Variants in RAPGEF3 observed in about 807,000 individuals in gnomAD.
The protein encoded by RAPGEF3 is Rap guanine nucleotide exchange factor 3.
RAPGEF3 carries 103 observed loss-of-function variants against 129.8 expected under a neutral mutation model. The observed-to-expected ratio is 0.79, with a 90% confidence interval of 0.68 to 0.93. The LOEUF is 0.93. Ranked by LOEUF, RAPGEF3 falls within the 40% of genes least tolerant of loss-of-function variation. RAPGEF3 has a pLI of 0.00. For synonymous variants in RAPGEF3, 436 were observed against 482.6 expected (o/e 0.90, Z 1.26); for missense variants, 1,117 against 1,207.4 (o/e 0.93, Z 1.11).
chr12:47,737,348 T>C lies in RAPGEF3; in HGVS notation c.*219A>G. The C allele has an allele frequency of 1.8e-6, 1 of 567,816 alleles. No homozygotes were observed. Among genetic ancestry groups the C allele is most frequent in the South Asian group, 2.0e-5 (1 of 49,406 alleles). The allele number at this position is 567,816 out of a possible 1,614,324, so 35.2% of individuals were successfully genotyped here. A position where few individuals can be genotyped will look rare whatever the true frequency, so the allele number is the denominator to read the frequency against. On this transcript the variant is annotated 3_prime_UTR_variant, in exon 28 of 28. Transcript: ENST00000449771. ...CTCTCTGTCCTCCCTTCCTTGGCCT[T>C]GGGTCATTCGTTATTCCTGGCTCGG...
intron 2 of RAPGEF3, among the ~76,000 whole-genome samples, chr12:47,756,881 A>G (rs546956975): frequency 2.0e-5 from 3 of 152,136 alleles, no homozygotes; most frequent in African/African-American, 7.2e-5. Flanking sequence ...AGGCAGGAGA[A>G]TCACTTGAAC....
intron 15 of RAPGEF3, 141 bp downstream of exon 15, chr12:47,747,403 G>A (rs1434144088): frequency 3.9e-6 from 3 of 766,240 alleles, no homozygotes; most frequent in Middle Eastern, 2.9e-4. Context: ...TGAACAGCAA[G>A]GGGACTGATA....
rs1191751449 is a variant in RAPGEF3, at chr12:47,736,720, T to C, written c.*847A>G. 6.6e-6 allele frequency: 1 copy of C among 152,360 alleles called. No individual in the cohort carries two copies. The highest frequency in any genetic ancestry group is 1.5e-5 in the Non-Finnish European group (1 of 68,196). The allele number at this position is 152,360 out of a possible 1,614,324, so 9.4% of individuals were successfully genotyped here. A position where few individuals can be genotyped will look rare whatever the true frequency, so the allele number is the denominator to read the frequency against. Reference sequence around the variant, plus strand: ...CCCAACAGGCCAGGACGAGCTCAAGTGTGGAAAAGCGGGGATTGCAGTTGG... The same window carrying C: ...CCCAACAGGCCAGGACGAGCTCAAGCGTGGAAAAGCGGGGATTGCAGTTGG... On this transcript the variant is annotated 3_prime_UTR_variant, in exon 28 of 28. Transcript: ENST00000449771.
intron 17 of RAPGEF3, 46 bp from the exon 18 acceptor site, chr12:47,743,722 C>T: frequency 6.3e-7 from 1 of 1,586,506 alleles, no homozygotes; most frequent in Non-Finnish European, 8.6e-7. Context: ...TGCCTGATCT[C>T]CACCCCAGGA....
At position 47,758,732 on chromosome 12, in the gene RAPGEF3, C is replaced by T. The variant is rs542271485; in HGVS notation, c.-176G>A. On this transcript the variant is annotated 5_prime_UTR_variant, in exon 1 of 28. Transcript: ENST00000449771. ...TGCCAGGGCAGCAGGATGCAGGGCT[C>T]GGTGGAGAGGCTCCTCTTGGGTGAG... is the stretch of plus-strand genomic sequence containing the variant. 8 of 1,146,980 alleles carry T rather than the reference C, an allele frequency of 7.0e-6. No homozygotes were observed. Among genetic ancestry groups the T allele is most frequent in the Non-Finnish European group, 8.7e-6 (8 of 920,714 alleles). 71.1% of individuals were successfully genotyped at this position (1,146,980 alleles called of 1,614,324 possible). A position where few individuals can be genotyped will look rare whatever the true frequency, so the allele number is the denominator to read the frequency against.
rs1462324118 is a variant in RAPGEF3, at chr12:47,758,007, C to T, written c.78G>A (p.Pro26=). The change falls in exon 2 of 28, where the codon CCG becomes CCA. Residue 26 remains proline, a synonymous_variant. Coordinates refer to ENST00000449771, the MANE Select transcript of RAPGEF3 (RefSeq NM_001098531.4). ...AVEDSPALGA[P]RVGALPDVVP... is the part of the protein sequence containing the mutation. ...CCACGTCAGGGAGGGCTCCCACCCG[C>T]GGTGCTCCCAGAGCTGGGCTATCCT... 7.6e-6 allele frequency: 12 copies of T among 1,574,734 alleles called. No homozygotes were observed. The highest frequency in any genetic ancestry group is 9.5e-6 in the Non-Finnish European group (11 of 1,159,970).
intron 22 of RAPGEF3, 33 bp from the exon 23 acceptor site, chr12:47,740,224 G>A (rs200383541): frequency 6.2e-6 from 10 of 1,613,184 alleles, no homozygotes; most frequent in East Asian, 2.2e-5. Context: ...CGGCTGCTCT[G>A]GGGGAGGCCC....
chr12:47,747,598 G>C lies in RAPGEF3; in HGVS notation c.1502C>G (p.Thr501Ser), dbSNP rs1941492388. The C allele has an allele frequency of 6.2e-7, 1 of 1,614,068 alleles. No individual in the cohort carries two copies. The highest frequency in any genetic ancestry group is 1.3e-5 in the African/African-American group (1 of 75,056). ...CTCCCTCAGCAGGTTGCTGAGTCGG[G>C]TGTCCCTGCCCACCAGGTCTGAGAG... ...QKLSDLVGRD[T>S]RLSNLLREQW... Residue 501 changes from threonine to serine, a missense_variant, in exon 15 of 28, where the codon ACC (threonine) becomes AGC (serine). Coordinates refer to ENST00000449771, the MANE Select transcript of RAPGEF3 (RefSeq NM_001098531.4).
chr12:47,749,341 A>G lies in RAPGEF3; in HGVS notation c.1041+49T>C. The G allele has an allele frequency of 6.2e-7, 1 of 1,602,732 alleles. No individual in the cohort carries two copies. The highest frequency in any genetic ancestry group is 2.2e-5 in the East Asian group (1 of 44,778). On this transcript the variant is annotated intron_variant, in intron 10 of 27. Coordinates refer to ENST00000449771, the MANE Select transcript of RAPGEF3 (RefSeq NM_001098531.4). The surrounding 1 kb of genome is among the most constrained non-coding windows in gnomAD (Gnocchi z 4.5). The stretch of plus-strand genomic sequence containing the variant: ...TGGTCCCTACTCCTCTCTCCACATC[A>G]CTTCTCTGGACGAATGGCCCCTGCC...
At chr12:47,753,631 A>G (rs932038168) in intron 2 of RAPGEF3, among the ~76,000 whole-genome samples, 4 of 152,230 alleles carry the variant, frequency 2.6e-5, no homozygotes, top group Non-Finnish European at 5.9e-5. Flanking sequence ...AGGAAATGAG[A>G]AGGAGGAGGA....
chr12:47,749,868 C>T lies in RAPGEF3; in HGVS notation c.818-51G>A. 6.2e-7 allele frequency: 1 copy of T among 1,613,888 alleles called. No homozygotes were observed. The highest frequency in any genetic ancestry group is 2.2e-5 in the East Asian group (1 of 44,890). ...GCCCTCCTGGCACCTACCATTCCTTCACACATCCTTCTGCCCATGTCCAGG... is the reference window on the plus strand; with the variant it reads ...GCCCTCCTGGCACCTACCATTCCTTTACACATCCTTCTGCCCATGTCCAGG... On this transcript the variant is annotated intron_variant, in intron 8 of 27. Coordinates refer to ENST00000449771, the MANE Select transcript of RAPGEF3 (RefSeq NM_001098531.4). This position sits in a 1 kb window ranked among gnomAD's most constrained non-coding sequence, Gnocchi z 4.5.
At chr12:47,746,279 T>C (rs979193305) in intron 16 of RAPGEF3, 72 of 272,682 alleles carry the variant, frequency 2.6e-4, no homozygotes, top group Non-Finnish European at 1.2e-4. Context: ...GGTGGGACCA[T>C]GGGGAGCCTG....
chr12:47,747,030 C>A, intron 15 of RAPGEF3, 131 bp from the exon 16 acceptor site: 1 of 855,578 alleles, frequency 1.2e-6, no homozygotes, highest in Non-Finnish European at 1.8e-6. Context: ...AGGTAAGTAT[C>A]ACATAAAGAG....
chr12:47,751,174 T>C lies in RAPGEF3; in HGVS notation c.545A>G (p.Tyr182Cys), dbSNP rs985892977. 8 of 1,554,276 alleles carry C rather than the reference T, an allele frequency of 5.1e-6. No individual in the cohort carries two copies. The highest frequency in any genetic ancestry group is 7.0e-6 in the Non-Finnish European group (8 of 1,148,880). Residue 182 changes from tyrosine to cysteine, a missense_variant, in exon 6 of 28, where the codon TAC (tyrosine) becomes TGC (cysteine). By Grantham distance (194) the Tyr-to-Cys change is radical (BLOSUM62 -2). Around this residue, in one of 3 missense-constraint regions of RAPGEF3, gnomAD observed 367 missense variants for 373.4 expected, o/e 0.98. Transcript: ENST00000449771. ...WAFQDRDAQF[Y>C]RFPGPEPEPV... ...CTCGGGCTCGGGCCCGGGGAACCGG[T>C]AGAATTGGGCATCTCGGTCCTGGAA...
intron 2 of RAPGEF3, chr12:47,756,450 T>A (rs551343124): frequency 1.3e-5 from 2 of 152,020 alleles, no homozygotes; most frequent in Admixed American, 6.5e-5. Flanking sequence ...GCCAGAGGGG[T>A]AGCGGAGGAG....
intron 4 of RAPGEF3, 36 bp downstream of exon 4, chr12:47,751,687 G>A: frequency 1.2e-6 from 2 of 1,607,618 alleles, no homozygotes; most frequent in African/African-American, 1.3e-5. Flanking sequence ...AGAAAGCAGT[G>A]AGGCTGGGCA....
At chr12:47,744,145 C>T in intron 16 of RAPGEF3, 77 bp from the exon 17 acceptor site, 1 of 1,259,548 alleles carries the variant, frequency 7.9e-7, no homozygotes, top group Non-Finnish European at 1.1e-6. Flanking sequence ...TGTGAGGTCC[C>T]TGTGTCACCA....
At position 47,740,812 on chromosome 12, in the gene RAPGEF3, G is replaced by T; in HGVS notation, c.2061C>A (p.Ile687=). The T allele has an allele frequency of 6.2e-7, 1 of 1,613,914 alleles. No homozygotes were observed. The highest frequency in any genetic ancestry group is 8.5e-7 in the Non-Finnish European group (1 of 1,179,974). ...GATGCTGGGGGCCCAGCACATAGTG[G>T]ATCAGCTCCACCTGGGTGGGGTCAG... ...LFNSIHQVEL[I]HYVLGPQHLR... Residue 687 remains isoleucine (I), a synonymous_variant, in exon 21 of 28, where the codon ATC becomes ATA. Transcript: ENST00000449771.
chr12:47,738,537 A>G (rs1940940202), intron 25 of RAPGEF3, among the ~76,000 whole-genome samples, 153 bp downstream of exon 25: 2 of 152,188 alleles, frequency 1.3e-5, no homozygotes, highest in Admixed American at 1.3e-4. Flanking sequence ...ACCCAGTTGC[A>G]GTGGAATAAG....
Sources: allele counts gnomAD v4.1 joint callset (sites outside exome capture counted in the v4.1 genomes callset), GRCh38; gene constraint gnomAD v4.1.1; regional missense constraint gnomAD v4.1.1; non-coding constraint Gnocchi (gnomAD v3.1); transcripts MANE v1.5; gene names NCBI Gene and HGNC (gene_info 2026-07-23, HGNC 2026-07-21).